ACVR1B: variants seen among roughly 807,000 people sequenced by gnomAD.
The protein encoded by ACVR1B is activin A receptor type 1B.
ACVR1B carries 15 observed loss-of-function variants against 55.6 expected under a neutral mutation model. The observed-to-expected ratio is 0.27, with a 90% CI of 0.18 to 0.42. The LOEUF is 0.42. Ranked by LOEUF, ACVR1B falls within the 10% of genes least tolerant of loss-of-function variation. The pLI is 1.00. For synonymous variants in ACVR1B, 247 were observed against 254.6 expected (o/e 0.97, Z 0.28); for missense variants, 359 against 670.1 (o/e 0.54, Z 5.13).
chr12:51,986,262 CTCTT>C (rs1272466229), intron 6 of ACVR1B, among the ~76,000 whole-genome samples: 5 of 152,132 alleles, frequency 3.3e-5, no homozygotes, highest in East Asian at 1.9e-4. Context: ...TCTTTACTCT[CTCTT>C]TGTTTTTTTG....
In ACVR1B at chr12:51,994,233, C is replaced by G; in HGVS notation, c.*123C>G. On this transcript the variant is annotated 3_prime_UTR_variant, in exon 9 of 9. Coordinates refer to ENST00000257963, the MANE Select transcript of ACVR1B (RefSeq NM_004302.5). The surrounding 1 kb of genome is among the most constrained non-coding windows in gnomAD (Gnocchi z 4.2). ...CCCTCTGTGGCCAGGAGCCCTGGCCCGCAAGAGGGACAGAGCCCGGGAGAG... is the reference window on the plus strand; with the variant it reads ...CCCTCTGTGGCCAGGAGCCCTGGCCGGCAAGAGGGACAGAGCCCGGGAGAG... 7.1e-7 allele frequency: 1 copy of G among 1,412,352 alleles called. No individual in the cohort carries two copies. The highest frequency in any genetic ancestry group is 9.6e-7 in the Non-Finnish European group (1 of 1,044,888). The allele number at this position is 1,412,352 out of a possible 1,614,324, so 87.5% of individuals were successfully genotyped here.
intron 1 of ACVR1B, among the ~76,000 whole-genome samples, chr12:51,966,321 G>A (rs1340731468): frequency 6.6e-6 from 1 of 152,208 alleles, no homozygotes; most frequent in East Asian, 1.9e-4. Flanking sequence ...AGGACAAATG[G>A]CCTAGATTCT....
intron 7 of ACVR1B, chr12:51,987,269 C>T (rs917411948): frequency 4.9e-6 from 3 of 613,256 alleles, no homozygotes; most frequent in Admixed American, 3.0e-5. Flanking sequence ...GCAGTGGTCT[C>T]CTTCACATCA....
At chr12:51,973,797 A>G (rs762208541) in intron 1 of ACVR1B, among the ~76,000 whole-genome samples, 1 of 152,188 alleles carries the variant, frequency 6.6e-6, no homozygotes, top group Non-Finnish European at 1.5e-5. Flanking sequence ...ACAACAGGCC[A>G]TAAGTGAAGA....
intron 7 of ACVR1B, among the ~76,000 whole-genome samples, chr12:51,990,204 A>T (rs1201163343): frequency 6.6e-6 from 1 of 151,820 alleles, no homozygotes; most frequent in Non-Finnish European, 1.5e-5. Context: ...GAGGCAGAAG[A>T]ATCGCTTGTA....
Position 51,962,358 on chromosome 12 carries a change from TTTGTTGTTG to T in ACVR1B, c.91+10536_91+10544del, listed in dbSNP as rs760742923. On this transcript the variant is annotated intron_variant, in intron 1 of 8. Transcript: ENST00000257963. ...TTCATAAGTACTTTTTACCAGTACA[TTTGTTGTTG>T]TTGTTGTTGTTTTTCTGTATACCAC... is the stretch of plus-strand genomic sequence containing the variant. 2.0e-5 allele frequency among the ~76,000 whole-genome samples: 3 copies of T among 152,200 alleles called. No homozygotes were observed. The East Asian group carries it at 5.8e-4, about 29-fold the overall frequency.
At chr12:51,963,340 G>T (rs375716277) in intron 1 of ACVR1B, among the ~76,000 whole-genome samples, 1 of 152,054 alleles carries the variant, frequency 6.6e-6, no homozygotes, top group African/African-American at 2.4e-5. Context: ...TGCCTCCCAG[G>T]TTCAAGCGAT....
chr12:51,989,317 CTT>C (rs1398401956), intron 7 of ACVR1B, among the ~76,000 whole-genome samples: 1 of 152,050 alleles, frequency 6.6e-6, no homozygotes, highest in Non-Finnish European at 1.5e-5. Flanking sequence ...GAGGGTTTCT[CTT>C]TGTCACCCAG....
intron 1 of ACVR1B, chr12:51,953,609 A>AG (rs758802561): frequency 2.9e-6 from 2 of 689,660 alleles, no homozygotes; most frequent in East Asian, 2.7e-4. Context: ...AAAAAAAAAA[A>AG]GGGAGATTGA....
rs1254828404 is a variant in ACVR1B at position 51,987,258 on chromosome 12, TGCAGTGGTCTCCTTCACATCAGAA to T, written c.1261+322_1261+345del. 9.7e-6 allele frequency: 6 copies of T among 619,802 alleles called. No homozygotes were observed. In the Admixed American group the frequency reaches 1.7e-4, roughly 18 times the overall value. The allele number at this position is 619,802 out of a possible 1,614,324, so 38.4% of individuals were successfully genotyped here. On this transcript the variant is annotated intron_variant, in intron 7 of 8. Coordinates refer to ENST00000257963, the MANE Select transcript of ACVR1B (RefSeq NM_004302.5). ...CCCGGTGCGCATAGCACGGGATTCA[TGCAGTGGTCTCCTTCACATCAGAA>T]GCAGTATATTCTAACGCGGTGGCTC... is the stretch of plus-strand genomic sequence containing the variant.
chr12:51,969,243 A>G (rs570025871), intron 1 of ACVR1B, among the ~76,000 whole-genome samples: 1 of 152,336 alleles, frequency 6.6e-6, no homozygotes, highest in East Asian at 1.9e-4. Flanking sequence ...TTATATGGCC[A>G]TAGTAACTGG....
At chr12:51,970,575 G>A (rs1941727141) in intron 1 of ACVR1B, among the ~76,000 whole-genome samples, 1 of 152,158 alleles carries the variant, frequency 6.6e-6, no homozygotes, top group Admixed American at 6.5e-5. Context: ...GTTGTGTAGA[G>A]TTATGGTCTT....
At chr12:51,952,689 T>G (rs1941325332) in intron 1 of ACVR1B, among the ~76,000 whole-genome samples, 1 of 152,150 alleles carries the variant, frequency 6.6e-6, no homozygotes, top group African/African-American at 2.4e-5. Context: ...TGTGGATGCC[T>G]TTCAGGTGAA....
intron 7 of ACVR1B, among the ~76,000 whole-genome samples, chr12:51,988,195 C>T (rs1400551011): frequency 2.0e-5 from 3 of 152,140 alleles, no homozygotes; most frequent in Admixed American, 6.5e-5. Context: ...AGAGGCCAGG[C>T]GCAGTGGCTC....
At chr12:51,971,583 T>G (rs74443466) in intron 1 of ACVR1B, among the ~76,000 whole-genome samples, 3,354 of 152,350 alleles carry the variant, frequency 0.022, 109 homozygotes, top group African/African-American at 0.069. Flanking sequence ...TAGTCCAGAT[T>G]TATTTTTTCA....
intron 8 of ACVR1B, among the ~76,000 whole-genome samples, chr12:51,993,216 T>G (rs1400990035): frequency 6.6e-6 from 1 of 152,212 alleles, no homozygotes. Context: ...TGCCGTCCAT[T>G]AGAGCCCCAG....
chr12:51,985,474 C>T, intron 6 of ACVR1B, 126 bp downstream of exon 6: 3 of 1,139,364 alleles, frequency 2.6e-6, no homozygotes, highest in Non-Finnish European at 3.7e-6. Flanking sequence ...TCTCAGCCCA[C>T]TGAAAGTTGA....
At chr12:51,972,072 G>A (rs902218159) in intron 1 of ACVR1B, among the ~76,000 whole-genome samples, 2 of 152,118 alleles carry the variant, frequency 1.3e-5, no homozygotes, top group Non-Finnish European at 2.9e-5. Flanking sequence ...TTGAGGGGGG[G>A]ATTAATATTT....
intron 1 of ACVR1B, 112 bp from the exon 2 acceptor site, chr12:51,975,153 A>T: frequency 6.8e-7 from 1 of 1,465,000 alleles, no homozygotes; most frequent in East Asian, 2.3e-5. Flanking sequence ...CCATCTCTAT[A>T]AAAACTGTTT....
Sources: gnomAD v4.1 joint callset for allele counts (sites outside exome capture counted in the v4.1 genomes callset) on GRCh38, gnomAD v4.1.1 for gene constraint, Gnocchi (gnomAD v3.1) non-coding constraint, MANE v1.5 for transcripts, NCBI Gene and HGNC (gene_info 2026-07-23, HGNC 2026-07-21) for gene names.